The following ESRRG variants were observed in gnomAD, a reference collection of about 807,000 sequenced individuals.
ESRRG encodes the protein estrogen-related receptor gamma.
A neutral mutation model predicts 44.0 loss-of-function variants in ESRRG; 13 were observed. The observed-to-expected ratio is 0.30, with a 90% CI of 0.19 to 0.47. ESRRG has a LOEUF of 0.47. Ranked by LOEUF, ESRRG falls within the 20% of genes least tolerant of loss-of-function variation. The probability of loss-of-function intolerance (pLI) is 1.00; values close to 1 mark genes in which losing one functional copy is unlikely to be tolerated. For missense variants in ESRRG, 395 were observed against 580.6 expected, an observed-to-expected ratio of 0.68 and a Z score of 3.29; for synonymous variants, 215 against 214.6, an observed-to-expected ratio of 1.00 and a Z score of -0.02.
intron 5 of ESRRG, among the ~76,000 whole-genome samples, chr1:216,521,832 A>G (rs756345290): frequency 6.6e-6 from 1 of 152,056 alleles, no homozygotes; most frequent in Non-Finnish European, 1.5e-5. Flanking sequence ...ATTAATACAA[A>G]CGCTGTTTCA....
At chr1:216,623,939 A>G (rs2062729641) in intron 3 of ESRRG, among the ~76,000 whole-genome samples, 1 of 151,946 alleles carries the variant, frequency 6.6e-6, no homozygotes, top group African/African-American at 2.4e-5. Flanking sequence ...GTCCAAATGT[A>G]CTACACCAGT....
chr1:216,687,890 A>G (rs915107620), intron 1 of ESRRG, among the ~76,000 whole-genome samples: 3 of 152,156 alleles, frequency 2.0e-5, no homozygotes, highest in Admixed American at 1.3e-4. Flanking sequence ...ATTTAAAAAA[A>G]TTTTTCTGAT....
At chr1:216,668,473 C>A (rs1020274412) in intron 2 of ESRRG, among the ~76,000 whole-genome samples, 3 of 152,132 alleles carry the variant, frequency 2.0e-5, no homozygotes, top group Non-Finnish European at 4.4e-5. Context: ...ACATGTAAAT[C>A]ACACCAGAGA....
chr1:217,016,662 C>T (rs2079431705), intron 1 of ESRRG, among the ~76,000 whole-genome samples: 1 of 152,110 alleles, frequency 6.6e-6, no homozygotes. Context: ...GATTTACCTA[C>T]AAATTCCGGA....
chr1:217,053,954 T>C (rs945478227), intron 1 of ESRRG, among the ~76,000 whole-genome samples: 1 of 151,680 alleles, frequency 6.6e-6, no homozygotes, highest in Non-Finnish European at 1.5e-5. Flanking sequence ...CCTCAGCAGC[T>C]GTGAAGTTGT....
chr1:216,753,791 A>G (rs139310839), intron 2 of ESRRG, among the ~76,000 whole-genome samples: 31 of 152,180 alleles, frequency 2.0e-4, no homozygotes, highest in Middle Eastern at 3.4e-3. Flanking sequence ...ATGACTTTGT[A>G]TCAGAGTGTC....
intron 1 of ESRRG, among the ~76,000 whole-genome samples, chr1:217,126,805 T>C (rs1010000008): frequency 2.0e-5 from 3 of 152,112 alleles, no homozygotes; most frequent in African/African-American, 7.2e-5. Context: ...TATCTCTCCA[T>C]TCAAGAGACC....
intron 2 of ESRRG, among the ~76,000 whole-genome samples, chr1:216,806,705 G>C (rs985687962): frequency 2.0e-5 from 3 of 152,128 alleles, no homozygotes; most frequent in Non-Finnish European, 2.9e-5. Context: ...AAACTCGAAT[G>C]TAAGAAATAC....
intron 1 of ESRRG, among the ~76,000 whole-genome samples, chr1:217,059,322 A>C (rs1235176374): frequency 6.6e-6 from 1 of 152,012 alleles, no homozygotes; most frequent in Non-Finnish European, 1.5e-5. Flanking sequence ...TTATTAGTTT[A>C]CATAGTTTTT....
chr1:217,058,768 T>A (rs775175959), intron 1 of ESRRG, among the ~76,000 whole-genome samples: 21 of 151,700 alleles, frequency 1.4e-4, no homozygotes, highest in Non-Finnish European at 2.8e-4. Flanking sequence ...CCAGATATTT[T>A]GGGAAGGAAG....
chr1:216,715,319 T>C (rs2084619483), intron 1 of ESRRG: 1 of 815,752 alleles, frequency 1.2e-6, no homozygotes, highest in Non-Finnish European at 1.5e-6. Context: ...CACTTTCTCA[T>C]AGGAAAAAGA....
intron 1 of ESRRG, among the ~76,000 whole-genome samples, chr1:217,069,337 C>T (rs1362215956): frequency 6.6e-6 from 1 of 151,708 alleles, no homozygotes; most frequent in Non-Finnish European, 1.5e-5. Context: ...ATTGCGGGAC[C>T]TTGTGATCAT....
chr1:216,531,704 G>A (rs1464370267), intron 5 of ESRRG, among the ~76,000 whole-genome samples: 3 of 152,070 alleles, frequency 2.0e-5, no homozygotes, highest in East Asian at 3.9e-4. Context: ...AACCAAACCT[G>A]TGCCTCTTAT....
At chr1:216,581,036 G>A (rs1313556131) in intron 3 of ESRRG, among the ~76,000 whole-genome samples, 2 of 152,176 alleles carry the variant, frequency 1.3e-5, no homozygotes, top group Non-Finnish European at 2.9e-5. Flanking sequence ...TGAAGTATGG[G>A]AAATCATATA....
chr1:216,646,927 T>C (rs1214208883), intron 3 of ESRRG, among the ~76,000 whole-genome samples: 1 of 152,164 alleles, frequency 6.6e-6, no homozygotes, highest in Non-Finnish European at 1.5e-5. Context: ...GAAAAATATT[T>C]GAGTTGCCAA....
At chr1:216,525,871 T>C (rs548367513) in intron 5 of ESRRG, among the ~76,000 whole-genome samples, 18 of 152,096 alleles carry the variant, frequency 1.2e-4, no homozygotes, top group Admixed American at 2.0e-4. Flanking sequence ...CAGTGGTCCA[T>C]AGAAAACCAG....
chr1:217,030,357 C>T (rs755647019), intron 1 of ESRRG, among the ~76,000 whole-genome samples: 22 of 152,128 alleles, frequency 1.4e-4, no homozygotes, highest in South Asian at 6.2e-4. Flanking sequence ...CACCATTACC[C>T]GAAACTCAAC....
chr1:217,061,404 A>C (rs2088460440), intron 1 of ESRRG, among the ~76,000 whole-genome samples: 1 of 152,170 alleles, frequency 6.6e-6, no homozygotes, highest in Non-Finnish European at 1.5e-5. Flanking sequence ...AGGCATGAGT[A>C]ATGCAAACCT....
intron 3 of ESRRG, among the ~76,000 whole-genome samples, chr1:216,581,910 C>T (rs1230994268): frequency 6.6e-6 from 1 of 152,236 alleles, no homozygotes; most frequent in Non-Finnish European, 1.5e-5. Flanking sequence ...CCACCCGTTT[C>T]TAGTCTTTGG....
Sources: gnomAD v4.1 joint callset for allele counts (sites outside exome capture counted in the v4.1 genomes callset) on GRCh38, gnomAD v4.1.1 for gene constraint, MANE v1.5 for transcripts, NCBI Gene and HGNC (gene_info 2026-07-23, HGNC 2026-07-21) for gene names.